The following ADORA2B variants were observed in gnomAD, a reference collection of about 807,000 sequenced individuals.
The protein encoded by ADORA2B is adenosine receptor A2b.
A neutral mutation model predicts 20.8 loss-of-function variants in ADORA2B; 18 were observed. The ratio of observed to expected loss-of-function variants is 0.87; its 90% CI spans 0.60 to 1.29. ADORA2B has a LOEUF of 1.29. ADORA2B is among the 50% of genes most tolerant of loss of function. The probability of loss-of-function intolerance (pLI) is 0.00; values close to 1 mark genes in which losing one functional copy is unlikely to be tolerated. For missense variants in ADORA2B, 441 were observed against 422.7 expected (o/e 1.04, Z -0.38); for synonymous variants, 179 against 178.3 (o/e 1.00, Z -0.03).
the ADORA2B span, among the ~76,000 whole-genome samples, chr17:15,869,939 A>G: frequency 1.1e-3 from 169 of 152,360 alleles, no homozygotes; most frequent in Non-Finnish European, 1.8e-3. Context: ...ATCATTTTAT[A>G]TCATCAAAGC....
Position 15,952,503 on chromosome 17 carries a change from C to CATCA in ADORA2B, c.335+6921_335+6924dup, listed in dbSNP as rs1465610802. Among the ~76,000 whole-genome samples, 3 of 152,290 alleles carry CATCA rather than the reference C, an allele frequency of 2.0e-5. No homozygotes were observed. The East Asian group carries it at 5.8e-4, about 29-fold the overall frequency. ...GCCTATCTTCCCAGGAGCCCTTAAC[C>CATCA]ATCATGTGAGCAGCTGGAGGGAAGG... On this transcript the variant is annotated intron_variant, in intron 1 of 1. Coordinates refer to ENST00000304222, the MANE Select transcript of ADORA2B (RefSeq NM_000676.4).
At chr17:15,900,689 A>G in the ADORA2B span, among the ~76,000 whole-genome samples, 2 of 152,130 alleles carry the variant, frequency 1.3e-5, no homozygotes, top group Non-Finnish European at 2.9e-5. Context: ...GGATCAAGCA[A>G]TCCTCCCACC....
At chr17:15,913,252 T>C in the ADORA2B span, among the ~76,000 whole-genome samples, 4 of 152,246 alleles carry the variant, frequency 2.6e-5, no homozygotes, top group Middle Eastern at 3.2e-3. Flanking sequence ...CAGAGCTGTG[T>C]ATTTACTGAC....
chr17:15,864,244 T>A, the ADORA2B span: 1 of 152,114 alleles, frequency 6.6e-6, no homozygotes. Flanking sequence ...CTGTGCTTGG[T>A]GGACCAATAT....
chr17:15,918,797 C>T, the ADORA2B span, among the ~76,000 whole-genome samples: 1 of 152,156 alleles, frequency 6.6e-6, no homozygotes. Context: ...AGCGTAAGTA[C>T]ACCTCCTGCA....
upstream of ADORA2B, among the ~76,000 whole-genome samples, chr17:15,944,373 C>T (rs949943984): frequency 6.6e-6 from 1 of 151,924 alleles, no homozygotes; most frequent in Non-Finnish European, 1.5e-5. This position sits in a 1 kb window ranked among gnomAD's most constrained non-coding sequence, Gnocchi z 4.8. Flanking sequence ...TGGGAGGCCT[C>T]GGGAGCCTGT....
At chr17:15,854,972 C>G in the ADORA2B span, among the ~76,000 whole-genome samples, 1 of 151,612 alleles carries the variant, frequency 6.6e-6, no homozygotes, top group African/African-American at 2.4e-5. Context: ...GCTCGTTGCC[C>G]TGGCTAGAGT....
At chr17:15,868,339 C>T in the ADORA2B span, among the ~76,000 whole-genome samples, 2 of 135,656 alleles carry the variant, frequency 1.5e-5, no homozygotes, top group African/African-American at 2.7e-5. Context: ...CCAAATCCCC[C>T]TCTGCGAGAA....
chr17:15,939,923 G>A, the ADORA2B span, among the ~76,000 whole-genome samples: 43 of 149,098 alleles, frequency 2.9e-4, no homozygotes, highest in South Asian at 8.6e-3. Context: ...CAGAGTGAAT[G>A]TATGTGTAAC....
chr17:15,959,646 G>A (rs1286904422), intron 1 of ADORA2B, among the ~76,000 whole-genome samples: 4 of 152,004 alleles, frequency 2.6e-5, no homozygotes, highest in African/African-American at 7.2e-5. Context: ...GATTATAGGC[G>A]CACGCCACCA....
At chr17:15,867,020 C>A in the ADORA2B span, among the ~76,000 whole-genome samples, 2 of 152,260 alleles carry the variant, frequency 1.3e-5, no homozygotes, top group African/African-American at 4.8e-5. Flanking sequence ...CTCCTAACTG[C>A]GAGTGATCCG....
At chr17:15,860,145 C>T in the ADORA2B span, among the ~76,000 whole-genome samples, 5 of 152,154 alleles carry the variant, frequency 3.3e-5, no homozygotes, top group African/African-American at 7.2e-5. Flanking sequence ...CAATCGATCA[C>T]GACCCTCTCA....
At chr17:15,907,089 T>A in the ADORA2B span, among the ~76,000 whole-genome samples, 2 of 152,220 alleles carry the variant, frequency 1.3e-5, no homozygotes, top group Admixed American at 6.5e-5. Context: ...TCACTTGCTT[T>A]CTGTAAGTCA....
At position 15,975,380 on chromosome 17, in the gene ADORA2B, CACAAGAAACAAA is replaced by C. The variant is rs751055576; in HGVS notation, c.*39_*50del. The C allele has an allele frequency of 6.3e-7, 1 of 1,577,418 alleles. No individual in the cohort carries two copies. The highest frequency in any genetic ancestry group is 2.2e-5 in the East Asian group (1 of 44,594). ...CCTCTTCCAGGAGAAGATACAAATCCACAAGAAACAAAGAGGACACGGCTGGTTTTCATTGTG... is the reference window on the plus strand; with the variant it reads ...CCTCTTCCAGGAGAAGATACAAATCCGAGGACACGGCTGGTTTTCATTGTG... On this transcript the variant is annotated 3_prime_UTR_variant, in exon 2 of 2. Transcript: ENST00000304222.
At chr17:15,955,707 C>T (rs571120533) in intron 1 of ADORA2B, among the ~76,000 whole-genome samples, 7 of 147,984 alleles carry the variant, frequency 4.7e-5, no homozygotes, top group South Asian at 2.2e-4. Context: ...CACACCTGGC[C>T]GCCTCTGGGA....
the ADORA2B span, among the ~76,000 whole-genome samples, chr17:15,905,973 C>T: frequency 6.6e-6 from 1 of 152,174 alleles, no homozygotes; most frequent in African/African-American, 2.4e-5. Flanking sequence ...TTTTGTATAC[C>T]GACTTTGTAT....
At chr17:15,877,312 T>C in the ADORA2B span, among the ~76,000 whole-genome samples, 2 of 152,184 alleles carry the variant, frequency 1.3e-5, no homozygotes, top group African/African-American at 4.8e-5. Context: ...TAGTTCTCTA[T>C]CTTTATGCTT....
At chr17:15,906,616 A>C in the ADORA2B span, among the ~76,000 whole-genome samples, 4 of 152,208 alleles carry the variant, frequency 2.6e-5, no homozygotes, top group Admixed American at 2.6e-4. Context: ...GCATCATAGA[A>C]TGAGTTGGGA....
At chr17:15,899,193 G>T in the ADORA2B span, among the ~76,000 whole-genome samples, 1 of 151,708 alleles carries the variant, frequency 6.6e-6, no homozygotes, top group Non-Finnish European at 1.5e-5. Flanking sequence ...TAGCACCACT[G>T]CACTCCAGCC....
Sources: allele counts gnomAD v4.1 joint callset (sites outside exome capture counted in the v4.1 genomes callset), GRCh38; gene constraint gnomAD v4.1.1; non-coding constraint Gnocchi (gnomAD v3.1); transcripts MANE v1.5; gene names NCBI Gene and HGNC (gene_info 2026-07-23, HGNC 2026-07-21).